The following DDX10 variants were observed in gnomAD, a reference collection of about 807,000 sequenced individuals.
The protein encoded by DDX10 is probable ATP-dependent RNA helicase DDX10.
A neutral mutation model predicts 104.3 loss-of-function variants in DDX10; 74 were observed. The ratio of observed to expected loss-of-function variants is 0.71; its 90% CI spans 0.59 to 0.86. The LOEUF (loss-of-function observed/expected upper bound fraction) is 0.86. Among genes scored for constraint, DDX10 ranks in the 40% least tolerant of loss-of-function variants. The pLI is 0.00. For missense variants in DDX10, 952 were observed against 1,040.0 expected, an observed-to-expected ratio of 0.92 and a Z score of 1.16; for synonymous variants, 351 against 353.4, an observed-to-expected ratio of 0.99 and a Z score of 0.08.
At chr11:108,810,204 T>C (rs1372483382) in intron 13 of DDX10, among the ~76,000 whole-genome samples, 1 of 152,178 alleles carries the variant, frequency 6.6e-6, no homozygotes, top group African/African-American at 2.4e-5. Flanking sequence ...TAGGACTGGT[T>C]ATTTGTTTTC....
At position 108,940,352 on chromosome 11, in the gene DDX10, C is replaced by A. The variant is rs1864092394; in HGVS notation, c.2557C>A (p.Pro853Thr). The A allele has an allele frequency of 6.2e-7, 1 of 1,614,002 alleles. No homozygotes were observed. Among genetic ancestry groups the A allele is most frequent in the Non-Finnish European group, 8.5e-7 (1 of 1,180,014 alleles). Residue 853 changes from proline to threonine, a missense_variant, in exon 18 of 18, where the codon CCT becomes ACT. Coordinates refer to ENST00000322536, the MANE Select transcript of DDX10 (RefSeq NM_004398.4). The part of the protein sequence containing the change: ...RKKARWDTLE[P>T]LDTGLSLAED... ...GAAGGCCAGGTGGGACACTTTAGAG[C>A]CTTTGGATACCGGCCTGTCTTTAGC...
intron 17 of DDX10, 89 bp downstream of exon 17, chr11:108,918,107 C>G: frequency 7.6e-7 from 1 of 1,318,082 alleles, no homozygotes; most frequent in Non-Finnish European, 1.1e-6. Context: ...AAGAGTTCTA[C>G]TCCAAGAGAT....
chr11:108,826,497 C>T (rs1862397407), intron 13 of DDX10, among the ~76,000 whole-genome samples: 1 of 152,190 alleles, frequency 6.6e-6, no homozygotes, highest in African/African-American at 2.4e-5. Context: ...CTATGGACCT[C>T]AGTTACCAGA....
intron 16 of DDX10, among the ~76,000 whole-genome samples, chr11:108,871,987 G>A (rs1483721480): frequency 6.6e-6 from 1 of 152,050 alleles, no homozygotes; most frequent in Non-Finnish European, 1.5e-5. Context: ...ATGTATAAAG[G>A]AGTTTCAGTG....
At chr11:108,751,019 C>T (rs555015902) in intron 13 of DDX10, among the ~76,000 whole-genome samples, 74 of 143,214 alleles carry the variant, frequency 5.2e-4, no homozygotes, top group African/African-American at 1.4e-3. Flanking sequence ...TGGCTTCAAG[C>T]GACCCTCCTG....
chr11:108,895,157 T>C (rs777503043), intron 16 of DDX10, among the ~76,000 whole-genome samples: 7 of 152,040 alleles, frequency 4.6e-5, no homozygotes, highest in Non-Finnish European at 8.8e-5. Context: ...ATCTTACAAA[T>C]GCTTGGACAG....
At chr11:108,791,387 GA>G (rs1454174940) in intron 13 of DDX10, among the ~76,000 whole-genome samples, 1 of 152,186 alleles carries the variant, frequency 6.6e-6, no homozygotes, top group Non-Finnish European at 1.5e-5. Flanking sequence ...GTCATGGGGG[GA>G]AAAGTGATCA....
intron 10 of DDX10, among the ~76,000 whole-genome samples, chr11:108,712,631 A>G (rs1319459895): frequency 2.6e-5 from 4 of 152,110 alleles, no homozygotes; most frequent in African/African-American, 9.7e-5. Context: ...CACTTATGTA[A>G]AGCATACATA....
At chr11:108,676,398 T>A (rs1202923531) in intron 3 of DDX10, among the ~76,000 whole-genome samples, 1 of 152,196 alleles carries the variant, frequency 6.6e-6, no homozygotes, top group Non-Finnish European at 1.5e-5. Flanking sequence ...GCTAGATAAT[T>A]CAGTTACTAT....
At chr11:108,803,718 A>G (rs1340848575) in intron 13 of DDX10, among the ~76,000 whole-genome samples, 1 of 152,110 alleles carries the variant, frequency 6.6e-6, no homozygotes, top group Non-Finnish European at 1.5e-5. Context: ...TTAAAGTGTA[A>G]TTTTATGTCC....
At chr11:108,734,597 T>C (rs1029831885) in intron 13 of DDX10, among the ~76,000 whole-genome samples, 1 of 152,194 alleles carries the variant, frequency 6.6e-6, no homozygotes, top group African/African-American at 2.4e-5. Flanking sequence ...TTATATCAAA[T>C]ATTGAGTCGT....
chr11:108,692,925 C>T (rs1199001323), intron 8 of DDX10, among the ~76,000 whole-genome samples: 1 of 152,164 alleles, frequency 6.6e-6, no homozygotes. Flanking sequence ...GCTTTAAGTT[C>T]TGGGGTACAT....
chr11:108,800,875 C>T (rs1303406652), intron 13 of DDX10, among the ~76,000 whole-genome samples: 1 of 152,120 alleles, frequency 6.6e-6, no homozygotes, highest in Admixed American at 6.5e-5. Context: ...ATTGCTTGCC[C>T]AGGTGATGAA....
intron 13 of DDX10, among the ~76,000 whole-genome samples, chr11:108,738,810 C>T (rs981889067): frequency 6.6e-6 from 1 of 152,124 alleles, no homozygotes; most frequent in Non-Finnish European, 1.5e-5. Context: ...GCCATACTTT[C>T]TTATGTTGCT....
chr11:108,769,266 C>T (rs1642008743), intron 13 of DDX10, among the ~76,000 whole-genome samples: 1 of 149,504 alleles, frequency 6.7e-6, no homozygotes, highest in South Asian at 2.1e-4. Flanking sequence ...ATCTCTTTTT[C>T]ATATTTTTAT....
rs527368058 is a variant in DDX10 at position 108,720,299 on chromosome 11, A to G, written c.1499+414A>G. Among the ~76,000 whole-genome samples the G allele has an allele frequency of 3.3e-5, 5 of 152,354 alleles. No individual in the cohort carries two copies. In the South Asian group the frequency reaches 8.3e-4, roughly 25 times the overall value. On this transcript the variant is annotated intron_variant, in intron 12 of 17. Coordinates refer to ENST00000322536, the MANE Select transcript of DDX10 (RefSeq NM_004398.4). ...CCTATAGTTTGATCTTAAAGGAGAC[A>G]GAGAGCAACCAATAAGCATTCTTTG...
At chr11:108,828,717 G>A (rs924551438) in intron 13 of DDX10, among the ~76,000 whole-genome samples, 3 of 152,158 alleles carry the variant, frequency 2.0e-5, no homozygotes, top group African/African-American at 7.2e-5. Context: ...CTCTGCCTCT[G>A]GGCTCAAGCA....
chr11:108,890,697 T>G (rs17108706), intron 16 of DDX10, among the ~76,000 whole-genome samples: 5,830 of 152,178 alleles, frequency 0.038, 419 homozygotes, highest in African/African-American at 0.13. Flanking sequence ...GAAATTTACT[T>G]GTTTATTACA....
intron 9 of DDX10, 96 bp from the exon 10 acceptor site, chr11:108,706,643 C>T: frequency 1.1e-6 from 1 of 947,448 alleles, no homozygotes; most frequent in Admixed American, 1.9e-5. Flanking sequence ...TATGGTTAGA[C>T]AAAAATGGTT....
Sources: allele counts gnomAD v4.1 joint callset (sites outside exome capture counted in the v4.1 genomes callset), GRCh38; gene constraint gnomAD v4.1.1; transcripts MANE v1.5; gene names NCBI Gene and HGNC (gene_info 2026-07-23, HGNC 2026-07-21).